NRXN1: variants seen among roughly 807,000 people sequenced by gnomAD.
The protein encoded by NRXN1 is neurexin 1.
NRXN1 carries 39 observed loss-of-function variants against 150.9 expected under a neutral mutation model. The observed-to-expected ratio is 0.26, with a 90% CI of 0.20 to 0.34. The LOEUF (loss-of-function observed/expected upper bound fraction) is 0.34, where lower values mean the gene tolerates loss of function less well. NRXN1 is among the 10% of genes least tolerant of loss of function. The pLI is 1.00. For missense variants in NRXN1, 1,815 were observed against 1,949.9 expected (o/e 0.93, Z 1.30); for synonymous variants, 924 against 757.0 (o/e 1.22, Z -3.62).
intron 18 of NRXN1, among the ~76,000 whole-genome samples, chr2:50,206,817 ATTTT>A (rs2152839436): frequency 6.6e-6 from 1 of 151,010 alleles, no homozygotes; most frequent in South Asian, 2.1e-4. Context: ...TGTAATATAT[ATTTT>A]ATTTATTATG....
intron 18 of NRXN1, among the ~76,000 whole-genome samples, chr2:50,167,336 G>A (rs528894266): frequency 6.6e-6 from 1 of 151,944 alleles, no homozygotes; most frequent in Non-Finnish European, 1.5e-5. Context: ...ATTATCCTTC[G>A]TTGGAGGAAA....
chr2:50,184,341 T>G (rs73932979), intron 18 of NRXN1, among the ~76,000 whole-genome samples: 32 of 152,096 alleles, frequency 2.1e-4, no homozygotes, highest in African/African-American at 7.7e-4. Flanking sequence ...GGGATCCACA[T>G]TTTGTTGAAT....
At chr2:50,996,890 G>A (rs967015508) in intron 2 of NRXN1, among the ~76,000 whole-genome samples, 1 of 152,042 alleles carries the variant, frequency 6.6e-6, no homozygotes, top group Admixed American at 6.6e-5. Context: ...CTCGTGAGGG[G>A]GGAGTAATCA....
intron 17 of NRXN1, among the ~76,000 whole-genome samples, chr2:50,408,837 A>ATC (rs10522429): frequency 0.014 from 1,853 of 136,578 alleles, 33 homozygotes; most frequent in African/African-American, 0.026. Flanking sequence ...ATCAATCTCA[A>ATC]TCTCTCTCTC....
At chr2:50,298,178 C>T (rs1554425) in intron 17 of NRXN1, among the ~76,000 whole-genome samples, 116,719 of 152,052 alleles carry the variant, frequency 0.77, 44,974 homozygotes, top group East Asian at 0.87. Flanking sequence ...AACAGTTGCA[C>T]CTCTTCTTGG....
chr2:50,558,097 G>T (rs993510305), intron 8 of NRXN1, among the ~76,000 whole-genome samples: 42 of 152,258 alleles, frequency 2.8e-4, no homozygotes, highest in African/African-American at 9.6e-4. Context: ...AGATTTACCA[G>T]TTCACTTTCT....
intron 21 of NRXN1, chr2:49,973,901 G>A: frequency 3.1e-6 from 2 of 647,314 alleles, no homozygotes; most frequent in South Asian, 3.6e-5. Flanking sequence ...TAGGCTTCTG[G>A]TATCTTAAAC....
chr2:50,215,863 T>C (rs1041234280), intron 18 of NRXN1, among the ~76,000 whole-genome samples: 14 of 152,220 alleles, frequency 9.2e-5, no homozygotes, highest in South Asian at 8.3e-4. Flanking sequence ...TATAGCCTTA[T>C]GCAAAGTGAA....
intron 17 of NRXN1, among the ~76,000 whole-genome samples, chr2:50,426,250 C>T (rs1052857895): frequency 2.0e-5 from 3 of 152,098 alleles, no homozygotes; most frequent in Non-Finnish European, 4.4e-5. Flanking sequence ...ACCGTGAATG[C>T]CACCAATTGT....
intron 8 of NRXN1, among the ~76,000 whole-genome samples, chr2:50,584,596 A>G (rs374033455): frequency 1.3e-5 from 2 of 152,326 alleles, no homozygotes; most frequent in African/African-American, 4.8e-5. Flanking sequence ...TTCTATGTTG[A>G]CATCAAATGA....
chr2:50,500,586 G>A (rs752021557), intron 13 of NRXN1, among the ~76,000 whole-genome samples: 14 of 152,170 alleles, frequency 9.2e-5, no homozygotes, highest in African/African-American at 1.4e-4. Flanking sequence ...GAAGGGGAAA[G>A]ATTTTTAATG....
At chr2:50,991,896 C>A (rs1698596950) in intron 2 of NRXN1, among the ~76,000 whole-genome samples, 1 of 152,012 alleles carries the variant, frequency 6.6e-6, no homozygotes, top group South Asian at 2.1e-4. Context: ...CCCCATGTGG[C>A]AACTGCTCTG....
chr2:50,710,932 C>T (rs1473924487), intron 5 of NRXN1, among the ~76,000 whole-genome samples: 1 of 152,122 alleles, frequency 6.6e-6, no homozygotes, highest in Admixed American at 6.6e-5. Context: ...AAATTACAAC[C>T]AGGTGCAGTA....
intron 13 of NRXN1, among the ~76,000 whole-genome samples, chr2:50,501,077 G>A (rs999848434): frequency 2.0e-5 from 3 of 152,108 alleles, no homozygotes. Flanking sequence ...GTATTGTGTT[G>A]GTAAATGTGA....
intron 18 of NRXN1, among the ~76,000 whole-genome samples, chr2:50,106,980 A>T (rs1044021645): frequency 1.3e-5 from 2 of 151,994 alleles, no homozygotes; most frequent in Non-Finnish European, 2.9e-5. Flanking sequence ...TGCACTGATT[A>T]TGGAAGATAT....
intron 18 of NRXN1, among the ~76,000 whole-genome samples, chr2:50,168,706 TA>T (rs952388859): frequency 2.0e-5 from 3 of 152,148 alleles, no homozygotes; most frequent in Admixed American, 6.5e-5. Context: ...CAACACTTTA[TA>T]AAAGCCCTCT....
At chr2:50,368,117 C>G (rs2079734120) in intron 17 of NRXN1, among the ~76,000 whole-genome samples, 1 of 151,974 alleles carries the variant, frequency 6.6e-6, no homozygotes, top group Admixed American at 6.6e-5. Flanking sequence ...CTGATAAATA[C>G]TTAAATCTAG....
intron 5 of NRXN1, among the ~76,000 whole-genome samples, chr2:50,800,464 C>T (rs966117083): frequency 6.6e-6 from 1 of 152,280 alleles, no homozygotes; most frequent in South Asian, 2.1e-4. Context: ...GGGTGTTTTG[C>T]TAACAGATGT....
intron 18 of NRXN1, among the ~76,000 whole-genome samples, chr2:50,235,378 G>C (rs1430005917): frequency 1.3e-5 from 2 of 151,950 alleles, no homozygotes; most frequent in Non-Finnish European, 2.9e-5. Flanking sequence ...TTCCCCTCTT[G>C]AGAACTACAT....
Sources: gnomAD v4.1 joint callset for allele counts (sites outside exome capture counted in the v4.1 genomes callset) on GRCh38, gnomAD v4.1.1 for gene constraint, MANE v1.5 for transcripts, NCBI Gene and HGNC (gene_info 2026-07-23, HGNC 2026-07-21) for gene names.